Variants in LRRC8E observed in about 807,000 individuals in gnomAD.
LRRC8E encodes volume-regulated anion channel subunit LRRC8E.
LRRC8E carries 6 observed loss-of-function variants against 6.1 expected under a neutral mutation model. The observed-to-expected ratio is 0.98, with a 90% CI of 0.54 to 1.93. The LOEUF (loss-of-function observed/expected upper bound fraction) is 1.93, where lower values mean the gene tolerates loss of function less well. Among genes scored for constraint, LRRC8E ranks in the 30% most tolerant of loss-of-function variants. LRRC8E has a pLI of 0.01. For synonymous variants in LRRC8E, 485 were observed against 472.8 expected, an observed-to-expected ratio of 1.03 and a Z score of -0.33; for missense variants, 1,028 against 1,031.4, an observed-to-expected ratio of 1.00 and a Z score of 0.04.
chr19:7,890,421 T>C (rs1158926756), intron 1 of LRRC8E, among the ~76,000 whole-genome samples: 2 of 152,084 alleles, frequency 1.3e-5, no homozygotes, highest in African/African-American at 4.8e-5. Flanking sequence ...GATAGAGTCT[T>C]GCTCTGTTGC....
In LRRC8E at chr19:7,900,460, T is replaced by A; in HGVS notation, c.1938T>A (p.Pro646=). The A allele has an allele frequency of 4.3e-6, 7 of 1,612,974 alleles. No individual in the cohort carries two copies. Among genetic ancestry groups the A allele is most frequent in the Non-Finnish European group, 2.5e-6 (3 of 1,180,002 alleles). The change falls in exon 3 of 3, where the codon CCT becomes CCA. Residue 646 remains proline, a synonymous_variant. Transcript: ENST00000306708. This position sits in a 1 kb window ranked among gnomAD's most constrained non-coding sequence, Gnocchi z 5.0. ...GGCACAACCAGATCGCCTACGTCCC[T>A]GAGCACGTGCGGAAGCTCAGGAGCC... ...RLWHNQIAYV[P]EHVRKLRSLE...
chr19:7,889,454 AG>A (rs1454451576), intron 1 of LRRC8E, among the ~76,000 whole-genome samples: 3 of 142,024 alleles, frequency 2.1e-5, no homozygotes, highest in Non-Finnish European at 4.6e-5. Flanking sequence ...AAAAAAAAAA[AG>A]ATTGAGGCCA....
chr19:7,890,842 T>C (rs895479224), intron 1 of LRRC8E, among the ~76,000 whole-genome samples: 8 of 152,044 alleles, frequency 5.3e-5, no homozygotes, highest in African/African-American at 1.2e-4. Flanking sequence ...GGATTATAGG[T>C]GCCCACCACC....
Position 7,899,942 on chromosome 19 carries a change from C to G in LRRC8E, c.1420C>G (p.Leu474Val), listed in dbSNP as rs761962581. The change falls in exon 3 of 3, where the codon CTA becomes GTA. Residue 474 changes from leucine (L) to valine (V), a missense_variant. Coordinates refer to ENST00000306708, the MANE Select transcript of LRRC8E (RefSeq NM_025061.6). ...CAGCTTGCTCCACTCGCCCGCCAGG[C>G]TACCCTTCTCCTTGCAGGTCTTCCT... ...ELSLLHSPAR[L>V]PFSLQVFLRD... 6.2e-7 allele frequency: 1 copy of G among 1,609,104 alleles called. No homozygotes were observed. The highest frequency in any genetic ancestry group is 8.5e-7 in the Non-Finnish European group (1 of 1,179,904).
rs537877394 is a variant in LRRC8E at position 7,891,799 on chromosome 19, G to A, written c.-6+3199G>A. 2.0e-4 allele frequency among the ~76,000 whole-genome samples: 30 copies of A among 152,062 alleles called. No individual in the cohort carries two copies. In the South Asian group the frequency reaches 5.0e-3, roughly 25 times the overall value. On this transcript the variant is annotated intron_variant, in intron 1 of 2. Coordinates refer to ENST00000306708, the MANE Select transcript of LRRC8E (RefSeq NM_025061.6). ...TTGTTTTTGTATTTTTAGTAGAGAC[G>A]AGGTTTCACCATGTTGGCCAGGCTG...
At position 7,899,045 on chromosome 19, in the gene LRRC8E, A is replaced by C. The variant is rs1981772456; in HGVS notation, c.523A>C (p.Lys175Gln). 1 of 1,613,470 alleles carries C rather than the reference A, an allele frequency of 6.2e-7. No individual in the cohort carries two copies. The highest frequency in any genetic ancestry group is 1.3e-5 in the African/African-American group (1 of 74,908). ...ALSEVSGENQ[K>Q]GPAATERAAA... The stretch of plus-strand genomic sequence containing the variant: ...ATCCGAGGTCTCCGGGGAGAACCAG[A>C]AGGGCCCAGCAGCCACCGAACGGGC... Residue 175 changes from lysine (K) to glutamine (Q), a missense_variant, in exon 3 of 3, where the codon AAG becomes CAG. By Grantham distance (53) the Lys-to-Gln change is moderately conservative. Coordinates refer to ENST00000306708, the MANE Select transcript of LRRC8E (RefSeq NM_025061.6).
intron 1 of LRRC8E, among the ~76,000 whole-genome samples, chr19:7,890,041 G>A (rs192755542): frequency 2.1e-3 from 312 of 150,876 alleles, no homozygotes; most frequent in Non-Finnish European, 3.4e-3. Flanking sequence ...CACTGTGTCC[G>A]TCAGGACTCT....
rs377310107 is a variant in LRRC8E at position 7,900,144 on chromosome 19, C to T, written c.1622C>T (p.Ser541Phe). ...LRELKQLKVL[S>F]LRSNAGKVPA... ...GAGCTGAAGCAGCTCAAGGTGTTGT[C>T]CCTCCGGAGCAACGCCGGGAAGGTG... Residue 541 changes from serine (S) to phenylalanine (F), a missense_variant, in exon 3 of 3, where the codon TCC becomes TTC. Physicochemically the swap from Ser to Phe is radical, Grantham distance 155 (BLOSUM62 -2). Transcript: ENST00000306708. This position sits in a 1 kb window ranked among gnomAD's most constrained non-coding sequence, Gnocchi z 5.0. 1.9e-6 allele frequency: 3 copies of T among 1,612,966 alleles called. No homozygotes were observed. The highest frequency in any genetic ancestry group is 2.5e-6 in the Non-Finnish European group (3 of 1,179,990).
chr19:7,898,690 C>T lies in LRRC8E; in HGVS notation c.168C>T (p.Pro56=), dbSNP rs981208674. The change falls in exon 3 of 3, where the codon CCC becomes CCT. Residue 56 remains proline, a synonymous_variant. Coordinates refer to ENST00000306708, the MANE Select transcript of LRRC8E (RefSeq NM_025061.6). The part of the protein sequence containing the change: ...QVTQDKIICL[P]NHELQENLSE... Reference sequence around the variant, plus strand: ...CACAGGACAAGATCATCTGTCTACCCAATCATGAGCTCCAGGAGAACTTAT... The same window carrying T: ...CACAGGACAAGATCATCTGTCTACCTAATCATGAGCTCCAGGAGAACTTAT... 6.2e-7 allele frequency: 1 copy of T among 1,611,678 alleles called. No individual in the cohort carries two copies. Among genetic ancestry groups the T allele is most frequent in the South Asian group, 1.1e-5 (1 of 90,912 alleles).
In LRRC8E at chr19:7,900,260, A is replaced by C; in HGVS notation, c.1738A>C (p.Lys580Gln). ...ARLVALNSLK[K>Q]LAALRELELV... ...TCTGGTTGCCCTGAACAGCCTCAAG[A>C]AGCTGGCGGCATTGCGGGAGCTGGA... The change falls in exon 3 of 3, where the codon AAG (lysine) becomes CAG (glutamine). Residue 580 changes from lysine (K) to glutamine (Q), a missense_variant. Lys to Gln is a moderately conservative substitution (Grantham distance 53). Coordinates refer to ENST00000306708, the MANE Select transcript of LRRC8E (RefSeq NM_025061.6). The surrounding 1 kb of genome is among the most constrained non-coding windows in gnomAD (Gnocchi z 5.0). The C allele has an allele frequency of 6.2e-7, 1 of 1,613,332 alleles. No homozygotes were observed. The highest frequency in any genetic ancestry group is 8.5e-7 in the Non-Finnish European group (1 of 1,180,016).
chr19:7,898,637 C>A, intron 2 of LRRC8E, 24 bp from the exon 3 acceptor site: 6 of 1,571,704 alleles, frequency 3.8e-6, no homozygotes, highest in Non-Finnish European at 5.2e-6. Context: ...AGGATTACAG[C>A]CCTCATTCTC....
chr19:7,899,306 A>C lies in LRRC8E; in HGVS notation c.784A>C (p.Lys262Gln), dbSNP rs967857338. The stretch of plus-strand genomic sequence containing the variant: ...CATGTACATCCGACAGACGGTGCTG[A>C]AAGTGTGTAAGTTCCTGGCCATCCT... ...YTMYIRQTVL[K>Q]VCKFLAILVY... Residue 262 changes from lysine to glutamine, a missense_variant, in exon 3 of 3, where the codon AAA becomes CAA. Physicochemically the swap from Lys to Gln is moderately conservative, Grantham distance 53. Coordinates refer to ENST00000306708, the MANE Select transcript of LRRC8E (RefSeq NM_025061.6). 3 of 1,614,202 alleles carry C rather than the reference A, an allele frequency of 1.9e-6. No individual in the cohort carries two copies. Among genetic ancestry groups the C allele is most frequent in the African/African-American group, 1.3e-5 (1 of 75,062 alleles).
At chr19:7,893,163 C>T (rs570269890) in intron 1 of LRRC8E, among the ~76,000 whole-genome samples, 4 of 152,258 alleles carry the variant, frequency 2.6e-5, no homozygotes, top group African/African-American at 9.6e-5. Flanking sequence ...CCTGCCACCA[C>T]GCCCAGCTAA....
Position 7,895,275 on chromosome 19 carries a change from AG to A in LRRC8E, c.-5-319del, listed in dbSNP as rs921990896. The A allele has an allele frequency of 6.9e-5, 17 of 246,330 alleles. No individual in the cohort carries two copies. The highest frequency in any genetic ancestry group is 3.3e-4 in the Admixed American group (7 of 21,238). 15.3% of individuals were successfully genotyped at this position (246,330 alleles called of 1,614,324 possible). On this transcript the variant is annotated intron_variant, in intron 1 of 2. Coordinates refer to ENST00000306708, the MANE Select transcript of LRRC8E (RefSeq NM_025061.6). This position sits in a 1 kb window ranked among gnomAD's most constrained non-coding sequence, Gnocchi z 4.7. ...GGGAGAGGGATGCCTCGTTTTGGGG[AG>A]GGGGCCACCCGAGGAGGCTGGAGGG...
In LRRC8E at chr19:7,900,160, C is replaced by T. The variant is rs1234432248; in HGVS notation, c.1638C>T (p.Ala546=). 1.5e-5 allele frequency: 24 copies of T among 1,612,858 alleles called. No homozygotes were observed. Among genetic ancestry groups the T allele is most frequent in the East Asian group, 2.2e-5 (1 of 44,894 alleles). ...AGGTGTTGTCCCTCCGGAGCAACGC[C>T]GGGAAGGTGCCAGCCAGTGTGACCG... ...QLKVLSLRSN[A]GKVPASVTDV... is the part of the protein sequence containing the mutation. The change falls in exon 3 of 3, where the codon GCC becomes GCT. Residue 546 remains alanine, a synonymous_variant. Coordinates refer to ENST00000306708, the MANE Select transcript of LRRC8E (RefSeq NM_025061.6). The surrounding 1 kb of genome is among the most constrained non-coding windows in gnomAD (Gnocchi z 5.0).
At chr19:7,896,705 C>T (rs182250527) in intron 2 of LRRC8E, among the ~76,000 whole-genome samples, 7 of 152,140 alleles carry the variant, frequency 4.6e-5, no homozygotes, top group East Asian at 1.9e-4. Context: ...GTGATCTTCC[C>T]GCCTCAGCCT....
In LRRC8E at chr19:7,895,462, C is replaced by A. The variant is rs530727355; in HGVS notation, c.-5-137C>A. On this transcript the variant is annotated intron_variant, in intron 1 of 2. Transcript: ENST00000306708. The surrounding 1 kb of genome is among the most constrained non-coding windows in gnomAD (Gnocchi z 4.7). The stretch of plus-strand genomic sequence containing the variant: ...CCAGGCTAAGAGGGAAGTGGGGGCA[C>A]ACACTTTGGTGGTTTGGACAAGTTT... 9.5e-7 allele frequency: 1 copy of A among 1,054,040 alleles called. No homozygotes were observed. Among genetic ancestry groups the A allele is most frequent in the Non-Finnish European group, 1.4e-6 (1 of 715,188 alleles). The allele number at this position is 1,054,040 out of a possible 1,614,324, so 65.3% of individuals were successfully genotyped here.
At chr19:7,892,218 G>A (rs985710515) in intron 1 of LRRC8E, among the ~76,000 whole-genome samples, 1 of 151,492 alleles carries the variant, frequency 6.6e-6, no homozygotes, top group African/African-American at 2.4e-5. Context: ...GACTACAGGC[G>A]TCTGCCACTA....
chr19:7,898,877 C>T lies in LRRC8E; in HGVS notation c.355C>T (p.Pro119Ser), dbSNP rs1981756687. ...TALHWYAKYF[P>S]YLVVIHTLIF... ...CCTGCACTGGTATGCCAAGTACTTC[C>T]CTTACCTCGTGGTCATTCACACACT... Residue 119 changes from proline (P) to serine (S), a missense_variant, in exon 3 of 3, where the codon CCT becomes TCT. By Grantham distance (74) the Pro-to-Ser change is moderately conservative. Transcript: ENST00000306708. 2 of 1,614,224 alleles carry T rather than the reference C, an allele frequency of 1.2e-6. No individual in the cohort carries two copies. Among genetic ancestry groups the T allele is most frequent in the Non-Finnish European group, 1.7e-6 (2 of 1,180,052 alleles).
Sources: allele counts gnomAD v4.1 joint callset (sites outside exome capture counted in the v4.1 genomes callset), GRCh38; gene constraint gnomAD v4.1.1; non-coding constraint Gnocchi (gnomAD v3.1); transcripts MANE v1.5; gene names NCBI Gene and HGNC (gene_info 2026-07-23, HGNC 2026-07-21).